EBF1: variants seen among roughly 807,000 people sequenced by gnomAD.
EBF1 encodes EBF transcription factor 1, also known as transcription factor COE1.
In EBF1, 10 loss-of-function variants were observed where a neutral mutation model predicts 68.4. That is an observed-to-expected ratio of 0.15 (90% CI 0.09 to 0.25). The LOEUF (loss-of-function observed/expected upper bound fraction) is 0.25. Ranked by LOEUF, EBF1 falls within the 10% of genes least tolerant of loss-of-function variation. EBF1 has a pLI of 1.00. For synonymous variants in EBF1, 298 were observed against 299.8 expected, an observed-to-expected ratio of 0.99 and a Z score of 0.06; for missense variants, 509 against 794.4, an observed-to-expected ratio of 0.64 and a Z score of 4.32.
chr5:158,759,089 A>C lies in EBF1; in HGVS notation c.1036+18324T>G, dbSNP rs570835924. ...TTAAAATGACTTGTGCACTTCACCA[A>C]CGTCTCCATTAAATGTACCATACAT... On this transcript the variant is annotated intron_variant, in intron 10 of 15. Coordinates refer to ENST00000313708, the MANE Select transcript of EBF1 (RefSeq NM_024007.5). Among the ~76,000 whole-genome samples, 135 of 152,326 alleles carry C rather than the reference A, an allele frequency of 8.9e-4. 1 individual carries two copies. Among genetic ancestry groups the C allele is most frequent in the Non-Finnish European group, 1.5e-3 (102 of 68,032 alleles).
intron 10 of EBF1, among the ~76,000 whole-genome samples, chr5:158,733,508 T>G: frequency 6.6e-6 from 1 of 152,110 alleles, no homozygotes. Context: ...TATCAGCAAT[T>G]AAAAGAACCA....
chr5:158,881,640 G>A (rs1172739281), intron 6 of EBF1, among the ~76,000 whole-genome samples: 1 of 152,222 alleles, frequency 6.6e-6, no homozygotes, highest in African/African-American at 2.4e-5. Context: ...TCAGCATAGA[G>A]AAGTCTCCAC....
chr5:159,042,725 C>A (rs1007647385), intron 6 of EBF1, among the ~76,000 whole-genome samples: 1 of 151,948 alleles, frequency 6.6e-6, no homozygotes, highest in East Asian at 1.9e-4. Context: ...ACAAGTGTAC[C>A]ATAGCCCTCC....
At chr5:158,739,092 C>T (rs1252596973) in intron 10 of EBF1, among the ~76,000 whole-genome samples, 2 of 152,200 alleles carry the variant, frequency 1.3e-5, no homozygotes, top group Non-Finnish European at 1.5e-5. Flanking sequence ...TCTAAGCCTA[C>T]AAGGAGCTCT....
At chr5:158,947,837 G>A (rs1190380608) in intron 6 of EBF1, among the ~76,000 whole-genome samples, 4 of 152,030 alleles carry the variant, frequency 2.6e-5, no homozygotes, top group Non-Finnish European at 5.9e-5. Flanking sequence ...AATGGAGGTT[G>A]AAGGAGAACA....
intron 6 of EBF1, among the ~76,000 whole-genome samples, chr5:158,928,077 C>T (rs1004823364): frequency 6.6e-6 from 1 of 152,184 alleles, no homozygotes; most frequent in East Asian, 1.9e-4. Context: ...CCTCTGAGGA[C>T]AACTTGGAGA....
At chr5:159,098,711 GAGAC>G (rs1340205471) in intron 1 of EBF1, among the ~76,000 whole-genome samples, 1 of 149,198 alleles carries the variant, frequency 6.7e-6, no homozygotes, top group Non-Finnish European at 1.5e-5. Context: ...GGCAGGAAGA[GAGAC>G]AGGAAAGAAC....
intron 8 of EBF1, among the ~76,000 whole-genome samples, chr5:158,822,308 G>A (rs9313793): frequency 0.041 from 5,390 of 130,574 alleles, 356 homozygotes; most frequent in African/African-American, 0.15. Context: ...ATGGATGGAT[G>A]GATGGATAGA....
intron 7 of EBF1, among the ~76,000 whole-genome samples, chr5:158,825,899 T>C (rs1002756791): frequency 2.6e-5 from 4 of 151,812 alleles, no homozygotes; most frequent in Non-Finnish European, 5.9e-5. Flanking sequence ...TATGCTAAAA[T>C]TAATCCACAG....
intron 10 of EBF1, among the ~76,000 whole-genome samples, chr5:158,775,937 A>T (rs1775144377): frequency 6.6e-6 from 1 of 152,134 alleles, no homozygotes; most frequent in South Asian, 2.1e-4. Context: ...CGCTGAACCA[A>T]TGAGCCTAAT....
intron 6 of EBF1, among the ~76,000 whole-genome samples, chr5:158,909,051 G>C (rs1472556975): frequency 6.6e-6 from 1 of 152,026 alleles, no homozygotes; most frequent in Non-Finnish European, 1.5e-5. Flanking sequence ...TGACCCCCGG[G>C]CTGGGAAGCC....
chr5:158,923,021 G>A (rs1392465850), intron 6 of EBF1, among the ~76,000 whole-genome samples: 1 of 152,188 alleles, frequency 6.6e-6, no homozygotes, highest in African/African-American at 2.4e-5. Context: ...CCAATTAGGT[G>A]GTCTATTAGC....
At chr5:158,735,581 C>T (rs1765003270) in intron 10 of EBF1, among the ~76,000 whole-genome samples, 1 of 152,028 alleles carries the variant, frequency 6.6e-6, no homozygotes, top group South Asian at 2.1e-4. Flanking sequence ...GAGAAGGATC[C>T]CCTCACCCAC....
At chr5:159,024,520 G>A (rs929963409) in intron 6 of EBF1, among the ~76,000 whole-genome samples, 3 of 152,098 alleles carry the variant, frequency 2.0e-5, no homozygotes, top group Non-Finnish European at 4.4e-5. Flanking sequence ...ATCACCCAAC[G>A]TGATCACCTG....
intron 10 of EBF1, among the ~76,000 whole-genome samples, chr5:158,742,889 T>C (rs10071018): frequency 0.011 from 1,654 of 152,332 alleles, 43 homozygotes; most frequent in African/African-American, 0.037. Flanking sequence ...AGGATTCATT[T>C]CCAGACTTGG....
chr5:158,833,112 TAA>T (rs1787948759), intron 7 of EBF1, among the ~76,000 whole-genome samples: 1 of 151,952 alleles, frequency 6.6e-6, no homozygotes, highest in Non-Finnish European at 1.5e-5. Flanking sequence ...TCACCTACTT[TAA>T]GAGAGGTTGT....
intron 15 of EBF1, among the ~76,000 whole-genome samples, chr5:158,707,148 T>C (rs1758025716): frequency 6.6e-6 from 1 of 152,174 alleles, no homozygotes. Flanking sequence ...ATCTGTCAAA[T>C]AGCAGATATG....
At chr5:159,036,342 G>A (rs1039283898) in intron 6 of EBF1, among the ~76,000 whole-genome samples, 11 of 151,582 alleles carry the variant, frequency 7.3e-5, no homozygotes, top group Admixed American at 2.6e-4. Context: ...AGCCCACATC[G>A]CCAAGTCAAT....
chr5:158,930,235 G>T (rs1011526418), intron 6 of EBF1, among the ~76,000 whole-genome samples: 1 of 151,324 alleles, frequency 6.6e-6, no homozygotes, highest in Admixed American at 6.6e-5. Flanking sequence ...AGCAAAAAAG[G>T]CTCGAGCTGT....
Sources: allele counts gnomAD v4.1 joint callset (sites outside exome capture counted in the v4.1 genomes callset), GRCh38; gene constraint gnomAD v4.1.1; transcripts MANE v1.5; gene names NCBI Gene and HGNC (gene_info 2026-07-23, HGNC 2026-07-21).